Variants in STAG2 observed in about 807,000 individuals in gnomAD.
The protein encoded by STAG2 is STAG2 cohesin complex component, also known as cohesin subunit SA-2.
A neutral mutation model predicts 108.1 loss-of-function variants in STAG2; 14 were observed. The observed-to-expected ratio is 0.13, with a 90% CI of 0.09 to 0.20. The LOEUF is 0.20. Among genes scored for constraint, STAG2 ranks in the 10% least tolerant of loss-of-function variants. The probability of loss-of-function intolerance (pLI) is 1.00; values close to 1 mark genes in which losing one functional copy is unlikely to be tolerated. For missense variants in STAG2, 440 were observed against 940.9 expected, an observed-to-expected ratio of 0.47 and a Z score of 6.96; for synonymous variants, 307 against 302.7, an observed-to-expected ratio of 1.01 and a Z score of -0.15.
chrX:124,010,789 G>A lies in STAG2; in HGVS notation c.-162-10578G>A, dbSNP rs145967902. On this transcript the variant is annotated intron_variant, in intron 1 of 34. Transcript: ENST00000371145. Reference sequence around the variant, plus strand: ...TTTCCAAGAACCTGTTGGTGATATTGAGGACTTTCTCTAAAATGCTTTGAA... The same window carrying A: ...TTTCCAAGAACCTGTTGGTGATATTAAGGACTTTCTCTAAAATGCTTTGAA... Among the ~76,000 whole-genome samples, 158 of 111,880 alleles carry A rather than the reference G, an allele frequency of 1.4e-3. 1 individual carries two copies. Among genetic ancestry groups the A allele is most frequent in the African/African-American group, 4.7e-3 (144 of 30,867 alleles).
intron 1 of STAG2, among the ~76,000 whole-genome samples, chrX:124,002,978 G>GT (rs1470669930): frequency 9.4e-6 from 1 of 106,386 alleles, no homozygotes; most frequent in African/African-American, 3.4e-5. Flanking sequence ...TTGTTTGTTT[G>GT]TTTTTTTGAG....
At chrX:123,983,420 C>G (rs987812437) in intron 1 of STAG2, among the ~76,000 whole-genome samples, 1 of 111,056 alleles carries the variant, frequency 9.0e-6, no homozygotes, top group African/African-American at 3.3e-5. Context: ...ATAGCCAATT[C>G]GTGGATGAGC....
chrX:124,075,309 T>C (rs1367649284), intron 25 of STAG2, among the ~76,000 whole-genome samples: 2 of 112,025 alleles, frequency 1.8e-5, no homozygotes, highest in Non-Finnish European at 3.8e-5. Context: ...GTTTCACTCT[T>C]GTTGCCCAGT....
At chrX:123,999,086 G>C (rs2055902435) in intron 1 of STAG2, among the ~76,000 whole-genome samples, 1 of 111,789 alleles carries the variant, frequency 8.9e-6, no homozygotes, top group Admixed American at 9.5e-5. Flanking sequence ...GTGACAGTGA[G>C]ACTCTGTCTC....
chrX:124,002,413 C>T (rs1010764293), intron 1 of STAG2, among the ~76,000 whole-genome samples: 1 of 111,620 alleles, frequency 9.0e-6, no homozygotes, highest in South Asian at 3.7e-4. Flanking sequence ...TGCTTGCACT[C>T]GGGAGTTATA....
chrX:124,009,425 AGG>A (rs1569501796), intron 1 of STAG2, among the ~76,000 whole-genome samples: 2 of 86,676 alleles, frequency 2.3e-5, no homozygotes, highest in Admixed American at 3.1e-4. Flanking sequence ...GTAGGTAGGT[AGG>A]TAGGTAGGTA....
At chrX:124,002,310 A>G (rs1428241604) in intron 1 of STAG2, among the ~76,000 whole-genome samples, 1 of 111,815 alleles carries the variant, frequency 8.9e-6, no homozygotes, top group African/African-American at 3.3e-5. Flanking sequence ...ATTTTTTGTA[A>G]TTTAGAATTT....
At chrX:124,020,257 G>A (rs1373019809) in intron 1 of STAG2, among the ~76,000 whole-genome samples, 2 of 111,677 alleles carry the variant, frequency 1.8e-5, no homozygotes, top group Non-Finnish European at 3.8e-5. Context: ...CTGTATTTAC[G>A]AACTACCTTT....
In STAG2 at chrX:124,056,192, C is replaced by T. The variant is rs776480387; in HGVS notation, c.1261C>T (p.His421Tyr). ...TGTCTATCATCTGGTTTATTCAGCTCACCGGCCAGTAGCAGTAGCAGCTGG... is the reference window on the plus strand; with the variant it reads ...TGTCTATCATCTGGTTTATTCAGCTTACCGGCCAGTAGCAGTAGCAGCTGG... ...ENVYHLVYSA[H>Y]RPVAVAAGEF... The change falls in exon 14 of 35, where the codon CAC (histidine) becomes TAC (tyrosine). Residue 421 changes from histidine to tyrosine, a missense_variant. This residue lies in a region of STAG2 where 337 missense variants were observed against 649.3 expected (regional missense o/e 0.52). Coordinates refer to ENST00000371145, the MANE Select transcript of STAG2 (RefSeq NM_001042750.2). 6 of 1,209,043 alleles carry T rather than the reference C, an allele frequency of 5.0e-6. No individual in the cohort carries two copies. The highest frequency in any genetic ancestry group is 6.7e-6 in the Non-Finnish European group (6 of 893,904).
intron 1 of STAG2, among the ~76,000 whole-genome samples, chrX:124,018,483 T>TGGAC (rs1236682483): frequency 1.1e-5 from 1 of 89,124 alleles, no homozygotes; most frequent in African/African-American, 4.2e-5. Flanking sequence ...GATGGATGGA[T>TGGAC]GGACAGACGG....
intron 4 of STAG2, among the ~76,000 whole-genome samples, chrX:124,030,596 C>T (rs112111502): frequency 1.6e-3 from 181 of 111,476 alleles, no homozygotes; most frequent in African/African-American, 5.7e-3. Flanking sequence ...CGCAGCAACC[C>T]TATGGGGTAG....
intron 27 of STAG2, among the ~76,000 whole-genome samples, chrX:124,078,378 C>T (rs781169616): frequency 1.8e-5 from 2 of 111,352 alleles, no homozygotes; most frequent in South Asian, 7.4e-4. Context: ...GACAAGTTTG[C>T]AAAAGTTGAT....
intron 1 of STAG2, among the ~76,000 whole-genome samples, chrX:123,966,424 T>C (rs2054098952): frequency 9.1e-6 from 1 of 109,714 alleles, no homozygotes; most frequent in African/African-American, 3.3e-5. Context: ...ATCGCGCCAC[T>C]GCACTGTAGC....
chrX:124,028,819 TATA>T (rs1205468952), intron 4 of STAG2, among the ~76,000 whole-genome samples: 1,985 of 60,514 alleles, frequency 0.033, 66 homozygotes, highest in African/African-American at 0.12. Context: ...TATATATATA[TATA>T]TTTTTTTTTT....
intron 1 of STAG2, among the ~76,000 whole-genome samples, chrX:124,009,414 GGT>G (rs2056427201): frequency 1.3e-5 from 1 of 74,418 alleles, no homozygotes; most frequent in South Asian, 8.1e-4. Context: ...TAGGTAGGTA[GGT>G]AGGTAGGTAG....
intron 23 of STAG2, among the ~76,000 whole-genome samples, chrX:124,067,569 G>A (rs1476004718): frequency 9.0e-6 from 1 of 111,238 alleles, no homozygotes; most frequent in Non-Finnish European, 1.9e-5. Context: ...CCTGCCCATT[G>A]TGTGCTTTTT....
intron 1 of STAG2, among the ~76,000 whole-genome samples, chrX:124,015,384 A>G (rs1453580552): frequency 9.7e-6 from 1 of 103,305 alleles, no homozygotes; most frequent in African/African-American, 3.6e-5. Context: ...GGTAAGAAGA[A>G]TTTCTTTTTT....
At chrX:124,085,652 G>A (rs1464709644) in intron 29 of STAG2, among the ~76,000 whole-genome samples, 2 of 108,483 alleles carry the variant, frequency 1.8e-5, no homozygotes, top group Admixed American at 9.9e-5. Context: ...GTGTGCACCT[G>A]TAATCCCAGC....
intron 5 of STAG2, 125 bp downstream of exon 5, chrX:124,031,250 A>T: frequency 1.5e-6 from 1 of 685,859 alleles, no homozygotes; most frequent in Non-Finnish European, 2.0e-6. Context: ...AAAAAGCAAC[A>T]AAATCATCAG....
Sources: gnomAD v4.1 joint callset for allele counts (sites outside exome capture counted in the v4.1 genomes callset) on GRCh38, gnomAD v4.1.1 for gene constraint, gnomAD v4.1.1 regional missense constraint, MANE v1.5 for transcripts, NCBI Gene and HGNC (gene_info 2026-07-23, HGNC 2026-07-21) for gene names.